CTPS2: variants seen among roughly 807,000 people sequenced by gnomAD.
The protein encoded by CTPS2 is CTP synthase II.
CTPS2 carries 19 observed loss-of-function variants against 46.8 expected under a neutral mutation model. The observed-to-expected ratio is 0.41, with a 90% CI of 0.28 to 0.60. The LOEUF (loss-of-function observed/expected upper bound fraction) is 0.60. Ranked by LOEUF, CTPS2 falls within the 20% of genes least tolerant of loss-of-function variation. CTPS2 has a pLI of 0.35. For missense variants in CTPS2, 286 were observed against 447.6 expected (o/e 0.64, Z 3.26); for synonymous variants, 151 against 165.2 (o/e 0.91, Z 0.66).
At chrX:16,711,370 A>T (rs1447294360) in intron 1 of CTPS2, 1 of 111,830 alleles carries the variant, frequency 8.9e-6, no homozygotes, top group Non-Finnish European at 1.9e-5. Context: ...CCACATTTCC[A>T]GTATTCAATA....
chrX:16,644,667 C>A (rs1457018976), intron 13 of CTPS2, among the ~76,000 whole-genome samples: 1 of 111,926 alleles, frequency 8.9e-6, no homozygotes, highest in African/African-American at 3.2e-5. Context: ...GAAATGGATT[C>A]TCTCGTACAC....
chrX:16,601,782 C>T lies in CTPS2; in HGVS notation c.1691+7759G>A, dbSNP rs896645856. 2.7e-5 allele frequency among the ~76,000 whole-genome samples: 3 copies of T among 111,871 alleles called. No homozygotes were observed. The Admixed American group carries it at 2.8e-4, about 11-fold the overall frequency. ...AGTTCCTACCATAGACCAGGCACTACGCTCAGTGCTTTACATTTAGTGTGA... is the reference window on the plus strand; with the variant it reads ...AGTTCCTACCATAGACCAGGCACTATGCTCAGTGCTTTACATTTAGTGTGA... On this transcript the variant is annotated intron_variant, in intron 17 of 18. Transcript: ENST00000359276.
chrX:16,708,421 A>C (rs1038537032), intron 1 of CTPS2, among the ~76,000 whole-genome samples: 1 of 111,404 alleles, frequency 9.0e-6, no homozygotes, highest in Non-Finnish European at 1.9e-5. Flanking sequence ...GCACCCACCT[A>C]TCTGACCTAT....
At chrX:16,648,979 A>G (rs779431742) in intron 13 of CTPS2, among the ~76,000 whole-genome samples, 1 of 112,141 alleles carries the variant, frequency 8.9e-6, no homozygotes, top group Non-Finnish European at 1.9e-5. Context: ...AGTGTTTCAA[A>G]GCTGTAAAGT....
At chrX:16,653,703 G>A (rs1932755137) in intron 13 of CTPS2, among the ~76,000 whole-genome samples, 2 of 112,275 alleles carry the variant, frequency 1.8e-5, no homozygotes, top group Middle Eastern at 4.6e-3. Context: ...AGCCTATCGT[G>A]TGATTCTGAT....
intron 17 of CTPS2, among the ~76,000 whole-genome samples, chrX:16,593,358 G>A (rs1929032071): frequency 9.4e-6 from 1 of 106,113 alleles, no homozygotes; most frequent in South Asian, 4.4e-4. Flanking sequence ...GAACCCGGGA[G>A]GCGGAGCTTG....
intron 8 of CTPS2, 74 bp downstream of exon 8, chrX:16,689,376 T>C (rs1923506021): frequency 2.8e-6 from 3 of 1,067,675 alleles, no homozygotes; most frequent in Admixed American, 2.4e-5. Flanking sequence ...ACGCTTACCC[T>C]TTCAAGTAGG....
rs892519749 is a variant in CTPS2, at chrX:16,590,966, G to A, written c.1692-104C>T. On this transcript the variant is annotated intron_variant, in intron 17 of 18. Transcript: ENST00000359276. ...ATTCCATATTAACCCCTTAGTATGA[G>A]AGAAAATACTAAAGAATATTCTTTT... The A allele has an allele frequency of 3.0e-5, 16 of 525,239 alleles. No individual in the cohort carries two copies. In the South Asian group the frequency reaches 3.6e-4, roughly 12 times the overall value. 43.3% of individuals were successfully genotyped at this position (525,239 alleles called of 1,213,427 possible).
chrX:16,675,082 A>G (rs373678656), intron 10 of CTPS2, among the ~76,000 whole-genome samples: 2 of 109,632 alleles, frequency 1.8e-5, no homozygotes, highest in East Asian at 5.8e-4. Context: ...CCTGGCCAAC[A>G]TGGTGAAACC....
At chrX:16,641,930 G>C (rs977756024) in intron 13 of CTPS2, among the ~76,000 whole-genome samples, 1 of 111,442 alleles carries the variant, frequency 9.0e-6, no homozygotes, top group African/African-American at 3.3e-5. Context: ...AACAAAGCGG[G>C]AGAAGTCTAA....
At chrX:16,689,382 G>A (rs746481306) in intron 8 of CTPS2, 68 bp downstream of exon 8, 202 of 1,072,454 alleles carry the variant, frequency 1.9e-4, no homozygotes, top group Non-Finnish European at 2.4e-4. Context: ...ACCCTTTCAA[G>A]TAGGTCTTAG....
At position 16,661,710 on chromosome X, in the gene CTPS2, G is replaced by C. The variant is rs925423125; in HGVS notation, c.1296+5804C>G. On this transcript the variant is annotated intron_variant, in intron 13 of 18. Coordinates refer to ENST00000359276, the MANE Select transcript of CTPS2 (RefSeq NM_175859.3). ...AAGGGATAAATGACGTCATACCTAT[G>C]ATAAATAATGAAAACTGAAATAATA... Among the ~76,000 whole-genome samples, 6 of 111,230 alleles carry C rather than the reference G, an allele frequency of 5.4e-5. No individual in the cohort carries two copies. In the Admixed American group the frequency reaches 5.8e-4, roughly 11 times the overall value.
At chrX:16,658,950 G>A (rs1202397825) in intron 13 of CTPS2, among the ~76,000 whole-genome samples, 2 of 112,206 alleles carry the variant, frequency 1.8e-5, no homozygotes, top group African/African-American at 6.5e-5. Context: ...AATATAATGT[G>A]TTAATTTAAT....
intron 14 of CTPS2, chrX:16,638,669 A>G: frequency 5.1e-6 from 1 of 194,714 alleles, no homozygotes; most frequent in East Asian, 1.5e-4. Context: ...TGGGGCTGCC[A>G]GGGAACAGAG....
chrX:16,630,412 G>A (rs913513968), intron 14 of CTPS2, among the ~76,000 whole-genome samples: 2 of 109,143 alleles, frequency 1.8e-5, no homozygotes, highest in African/African-American at 3.3e-5. Flanking sequence ...GTGCCACCAC[G>A]CCTGGCTAAT....
intron 8 of CTPS2, among the ~76,000 whole-genome samples, chrX:16,689,128 T>G (rs1326516410): frequency 9.0e-6 from 1 of 111,149 alleles, no homozygotes; most frequent in Non-Finnish European, 1.9e-5. Flanking sequence ...AAAAAAAAAT[T>G]TTAAATATTC....
intron 7 of CTPS2, 43 bp from the exon 8 acceptor site, chrX:16,689,644 C>A: frequency 8.9e-7 from 1 of 1,121,196 alleles, no homozygotes; most frequent in South Asian, 2.1e-5. Flanking sequence ...TGGATCTATT[C>A]AAATATGCCA....
intron 17 of CTPS2, among the ~76,000 whole-genome samples, chrX:16,607,453 G>A (rs947376977): frequency 2.7e-5 from 3 of 112,654 alleles, no homozygotes; most frequent in Non-Finnish European, 5.6e-5. Context: ...GGAGCCCAGA[G>A]CCCCCATGGC....
At chrX:16,622,268 G>T (rs1292126672) in intron 14 of CTPS2, among the ~76,000 whole-genome samples, 1 of 108,656 alleles carries the variant, frequency 9.2e-6, no homozygotes, top group Non-Finnish European at 1.9e-5. Flanking sequence ...CCAGCGTGGT[G>T]GTGCGCACCT....
Sources: allele counts gnomAD v4.1 joint callset (sites outside exome capture counted in the v4.1 genomes callset), GRCh38; gene constraint gnomAD v4.1.1; transcripts MANE v1.5; gene names NCBI Gene and HGNC (gene_info 2026-07-23, HGNC 2026-07-21).